The following SYNPO variants were observed in gnomAD, a reference collection of about 807,000 sequenced individuals.
SYNPO encodes synaptopodin.
SYNPO carries 19 observed loss-of-function variants against 49.5 expected under a neutral mutation model. The observed-to-expected ratio is 0.38, with a 90% CI of 0.27 to 0.56. The LOEUF is 0.56. Ranked by LOEUF, SYNPO falls within the 20% of genes least tolerant of loss-of-function variation. SYNPO has a pLI of 0.68. For missense variants in SYNPO, 1,131 were observed against 1,248.3 expected (o/e 0.91, Z 1.42); for synonymous variants, 536 against 548.0 (o/e 0.98, Z 0.31).
upstream of SYNPO, among the ~76,000 whole-genome samples, chr5:150,597,381 G>C (rs758461283): frequency 7.9e-5 from 12 of 152,166 alleles, no homozygotes; most frequent in Admixed American, 2.0e-4. Context: ...GCCCATGCTG[G>C]AGTGCAATGG....
intron 1 of SYNPO, among the ~76,000 whole-genome samples, chr5:150,643,941 G>A (rs1187579694): frequency 6.6e-6 from 1 of 152,034 alleles, no homozygotes; most frequent in African/African-American, 2.4e-5. Flanking sequence ...TTGGGAGGCT[G>A]AGGTGGGTGG....
chr5:150,596,602 A>G (rs570477193), upstream of SYNPO, among the ~76,000 whole-genome samples: 25 of 152,136 alleles, frequency 1.6e-4, no homozygotes, highest in South Asian at 2.7e-3. Flanking sequence ...TCTGATCAGG[A>G]CGGCTCATGT....
At chr5:150,622,368 C>T (rs1757207953) in intron 2 of SYNPO, among the ~76,000 whole-genome samples, 1 of 152,186 alleles carries the variant, frequency 6.6e-6, no homozygotes, top group South Asian at 2.1e-4. Context: ...TTCTTCCACC[C>T]ACCTGGGGCT....
chr5:150,655,222 T>C (rs1758514509), intron 2 of SYNPO, among the ~76,000 whole-genome samples: 2 of 152,232 alleles, frequency 1.3e-5, no homozygotes, highest in Non-Finnish European at 2.9e-5. Context: ...AAAAGTAATA[T>C]ATTAAAAAGC....
At chr5:150,647,597 G>A (rs545639153) in intron 1 of SYNPO, among the ~76,000 whole-genome samples, 24 of 152,302 alleles carry the variant, frequency 1.6e-4, no homozygotes, top group African/African-American at 5.8e-4. Flanking sequence ...AAGGCAGTGG[G>A]GAGGAACTGG....
intron 1 of SYNPO, among the ~76,000 whole-genome samples, chr5:150,643,958 T>A (rs956577762): frequency 1.2e-4 from 19 of 152,134 alleles, no homozygotes; most frequent in African/African-American, 4.6e-4. Context: ...GTGGATCACT[T>A]GAGCTCAGGA....
At chr5:150,652,222 A>G (rs1581519081) in intron 2 of SYNPO, 6 of 1,000,320 alleles carry the variant, frequency 6.0e-6, no homozygotes, top group Non-Finnish European at 7.2e-6. Context: ...GCTCCCTTCT[A>G]CCCTTGAGGG....
At chr5:150,599,314 C>T (rs1015665963), upstream of SYNPO, among the ~76,000 whole-genome samples, 2 of 152,230 alleles carry the variant, frequency 1.3e-5, no homozygotes, top group African/African-American at 4.8e-5. Flanking sequence ...GGCCAAGAAC[C>T]CGGGAAGCAA....
Position 150,645,737 on chromosome 5 carries a change from A to G in SYNPO, c.-332-2207A>G, listed in dbSNP as rs1221659564. 2.0e-5 allele frequency among the ~76,000 whole-genome samples: 3 copies of G among 152,178 alleles called. No homozygotes were observed. In the East Asian group the frequency reaches 5.8e-4, roughly 29 times the overall value. On this transcript the variant is annotated intron_variant, in intron 1 of 2. Transcript: ENST00000307662. ...CAGCTTTGTCACCCTTGGCTTTGCA[A>G]CCTTGGGGCAGTTCCTTATATATCT...
upstream of SYNPO, among the ~76,000 whole-genome samples, chr5:150,597,599 G>C (rs992277000): frequency 3.3e-5 from 5 of 152,126 alleles, no homozygotes; most frequent in Non-Finnish European, 7.4e-5. Context: ...CTCCCAAAGA[G>C]CTGGGATTAC....
At chr5:150,597,702 G>A (rs970817151), upstream of SYNPO, among the ~76,000 whole-genome samples, 2 of 151,920 alleles carry the variant, frequency 1.3e-5, no homozygotes, top group African/African-American at 4.8e-5. Context: ...GCAGTGGCAT[G>A]ATCTTTGCTT....
intron 1 of SYNPO, among the ~76,000 whole-genome samples, chr5:150,641,317 C>T (rs998606072): frequency 6.6e-6 from 1 of 152,204 alleles, no homozygotes; most frequent in Non-Finnish European, 1.5e-5. Context: ...TCCTTCCTGA[C>T]CTCACCAGGG....
In SYNPO at chr5:150,647,944, C is replaced by T; in HGVS notation, c.-332C>T. 2 of 1,551,042 alleles carry T rather than the reference C, an allele frequency of 1.3e-6. No homozygotes were observed. The highest frequency in any genetic ancestry group is 1.4e-5 in the African/African-American group (1 of 73,142). On this transcript the variant is annotated splice_region_variant and 5_prime_UTR_variant, in exon 2 of 3. It adds an upstream start codon to the 5' untranslated region. Coordinates refer to ENST00000307662, the MANE Select transcript of SYNPO (RefSeq NM_007286.6). The stretch of plus-strand genomic sequence containing the variant: ...ACTGGGCTTTTGTCCCTCCCTGTAG[C>T]GTTGGGCCGGAGCACTAGCCTCACG...
chr5:150,597,879 C>T (rs1756452277), upstream of SYNPO, among the ~76,000 whole-genome samples: 1 of 152,114 alleles, frequency 6.6e-6, no homozygotes, highest in South Asian at 2.1e-4. Context: ...CTCAAGTGAT[C>T]GGCCCACCTC....
chr5:150,604,418 G>A (rs569983631), intron 1 of SYNPO, among the ~76,000 whole-genome samples: 6 of 152,316 alleles, frequency 3.9e-5, no homozygotes, highest in African/African-American at 1.2e-4. Context: ...CTTATTCACC[G>A]ACAGTGATGC....
chr5:150,590,581 T>C, the SYNPO span, among the ~76,000 whole-genome samples: 1 of 152,236 alleles, frequency 6.6e-6, no homozygotes, highest in Admixed American at 6.5e-5. Context: ...TTGGGGCTGA[T>C]ACTGTGCATC....
At position 150,656,408 on chromosome 5, in the gene SYNPO, G is replaced by T. The variant is rs773921106; in HGVS notation, c.2033G>T (p.Arg678Leu). The change falls in exon 3 of 3, where the codon CGC becomes CTC. Residue 678 changes from arginine (R) to leucine (L), a missense_variant. Coordinates refer to ENST00000307662, the MANE Select transcript of SYNPO (RefSeq NM_007286.6). ...TRNAGIEAQD[R>L]RESLPTSPPW... is the part of the protein sequence containing the mutation. Reference sequence around the variant, plus strand: ...CCCTCTCTGCTCTCTCCCCAGGACCGCCGGGAGAGCCTGCCCACCTCCCCA... The same window carrying T: ...CCCTCTCTGCTCTCTCCCCAGGACCTCCGGGAGAGCCTGCCCACCTCCCCA... The T allele has an allele frequency of 2.6e-6, 4 of 1,527,328 alleles. No individual in the cohort carries two copies. In the African/African-American group the frequency reaches 4.2e-5, roughly 16 times the overall value. 94.6% of individuals were successfully genotyped at this position (1,527,328 alleles called of 1,614,324 possible). A position where few individuals can be genotyped will look rare whatever the true frequency, so the allele number is the denominator to read the frequency against.
intron 2 of SYNPO, among the ~76,000 whole-genome samples, chr5:150,623,059 G>C (rs1167684434): frequency 6.6e-6 from 1 of 152,188 alleles, no homozygotes; most frequent in African/African-American, 2.4e-5. Flanking sequence ...CCTCACCCAT[G>C]CACAGCTGCC....
Position 150,656,385 on chromosome 5 carries a change from C to T in SYNPO, c.2029-19C>T. On this transcript the variant is annotated intron_variant, in intron 2 of 2. Transcript: ENST00000307662. The stretch of plus-strand genomic sequence containing the variant: ...CCTCAGCACTAATGCCTGCCCCACC[C>T]TCTCTGCTCTCTCCCCAGGACCGCC... 1 of 1,521,484 alleles carries T rather than the reference C, an allele frequency of 6.6e-7. No individual in the cohort carries two copies. The highest frequency in any genetic ancestry group is 8.8e-7 in the Non-Finnish European group (1 of 1,138,724). 94.2% of individuals were successfully genotyped at this position (1,521,484 alleles called of 1,614,324 possible). A position where few individuals can be genotyped will look rare whatever the true frequency, so the allele number is the denominator to read the frequency against.
Sources: gnomAD v4.1 joint callset for allele counts (sites outside exome capture counted in the v4.1 genomes callset) on GRCh38, gnomAD v4.1.1 for gene constraint, MANE v1.5 for transcripts, NCBI Gene and HGNC (gene_info 2026-07-23, HGNC 2026-07-21) for gene names.